Variants in MIA2 observed in about 807,000 individuals in gnomAD.
The protein encoded by MIA2 is melanoma inhibitory activity protein 2.
MIA2 carries 127 observed loss-of-function variants against 167.8 expected under a neutral mutation model. That is an observed-to-expected ratio of 0.76 (90% CI 0.66 to 0.88). MIA2 has a LOEUF of 0.88. MIA2 is among the 40% of genes least tolerant of loss of function. The pLI, the probability that MIA2 is intolerant of heterozygous loss-of-function variation, is 0.00. For missense variants in MIA2, 1,690 were observed against 1,624.7 expected (o/e 1.04, Z -0.69); for synonymous variants, 552 against 541.9 (o/e 1.02, Z -0.26).
intron 6 of MIA2, among the ~76,000 whole-genome samples, chr14:39,254,822 C>T (rs541851935): frequency 6.6e-6 from 1 of 152,300 alleles, no homozygotes; most frequent in African/African-American, 2.4e-5. Context: ...ATTTTTTAGC[C>T]TCTGGTCTAA....
At chr14:39,373,740 G>GA (rs2074995209) in intron 23 of MIA2, among the ~76,000 whole-genome samples, 1 of 152,170 alleles carries the variant, frequency 6.6e-6, no homozygotes, top group Admixed American at 6.5e-5. Context: ...AGAATCACTT[G>GA]AACCTGGGAG....
intron 2 of MIA2, among the ~76,000 whole-genome samples, chr14:39,239,754 C>A (rs1457571265): frequency 2.0e-5 from 3 of 152,114 alleles, no homozygotes; most frequent in African/African-American, 7.2e-5. Context: ...AAGTTTTAGG[C>A]ACATTTAGTT....
rs897928425 is a variant in MIA2 at position 39,284,769 on chromosome 14, T to A, written c.2130+5232T>A. Among the ~76,000 whole-genome samples the A allele has an allele frequency of 3.3e-5, 5 of 152,006 alleles. No homozygotes were observed. In the South Asian group the frequency reaches 6.2e-4, roughly 19 times the overall value. On this transcript the variant is annotated intron_variant, in intron 9 of 28. Transcript: ENST00000640607. ...TTTTTTCTTTTTTTTATTTTTTTTTTATTGATCATTCTTGGGTGTTTCTCG... is the reference window on the plus strand; with the variant it reads ...TTTTTTCTTTTTTTTATTTTTTTTTAATTGATCATTCTTGGGTGTTTCTCG...
chr14:39,267,591 A>C, intron 6 of MIA2: 1 of 1,581,464 alleles, frequency 6.3e-7, no homozygotes, highest in Non-Finnish European at 8.6e-7. Flanking sequence ...AGGAAGCAGT[A>C]GACCGGCTTT....
At chr14:39,275,729 C>T (rs974290423) in intron 6 of MIA2, among the ~76,000 whole-genome samples, 4 of 151,960 alleles carry the variant, frequency 2.6e-5, no homozygotes, top group African/African-American at 9.7e-5. Flanking sequence ...GCCTTTTTTC[C>T]CCCAATAGCA....
intron 4 of MIA2, among the ~76,000 whole-genome samples, chr14:39,250,971 A>C (rs1216802134): frequency 2.0e-5 from 3 of 152,092 alleles, no homozygotes; most frequent in Non-Finnish European, 4.4e-5. Flanking sequence ...TCATGCAAAA[A>C]TTTGTTTTTA....
chr14:39,267,225 T>C, intron 6 of MIA2: 1 of 1,361,720 alleles, frequency 7.3e-7, no homozygotes, highest in South Asian at 1.7e-5. Context: ...GGCTCGGACC[T>C]GCGCTGCCTC....
chr14:39,363,220 T>C (rs2074731679), intron 23 of MIA2, among the ~76,000 whole-genome samples: 1 of 152,356 alleles, frequency 6.6e-6, no homozygotes, highest in South Asian at 2.1e-4. Flanking sequence ...CTATTTGGTC[T>C]AAAGTACAGT....
chr14:39,235,333 T>A (rs1019409297), intron 1 of MIA2, among the ~76,000 whole-genome samples: 5 of 152,186 alleles, frequency 3.3e-5, no homozygotes, highest in African/African-American at 1.2e-4. Flanking sequence ...TGAGAATTAC[T>A]TCTAATTTGC....
chr14:39,325,178 C>T (rs1052768704), intron 24 of MIA2, among the ~76,000 whole-genome samples: 15 of 151,608 alleles, frequency 9.9e-5, no homozygotes, highest in Non-Finnish European at 2.2e-4. Context: ...AGCTGAGAAT[C>T]GCACCACTGC....
chr14:39,347,815 C>CTTTT, intron 27 of MIA2, 44 bp downstream of exon 27: 3 of 1,048,954 alleles, frequency 2.9e-6, no homozygotes, highest in Admixed American at 3.6e-5. Flanking sequence ...ATTCAGAAGC[C>CTTTT]TTCTTTTTTT....
chr14:39,268,960 A>G (rs2056568167), intron 6 of MIA2: 1 of 951,198 alleles, frequency 1.1e-6, no homozygotes, highest in South Asian at 4.9e-5. Flanking sequence ...AATAATCAAG[A>G]TTTAGTTTTT....
intron 9 of MIA2, among the ~76,000 whole-genome samples, chr14:39,284,577 A>G (rs538580206): frequency 6.6e-6 from 1 of 152,122 alleles, no homozygotes; most frequent in Non-Finnish European, 1.5e-5. Flanking sequence ...ATTTCTGTGA[A>G]GAATGCCATT....
At chr14:39,293,064 C>T (rs2060945140) in intron 10 of MIA2, among the ~76,000 whole-genome samples, 1 of 152,132 alleles carries the variant, frequency 6.6e-6, no homozygotes, top group Non-Finnish European at 1.5e-5. Context: ...GACTGCATGG[C>T]CTACGAGCCT....
chr14:39,364,006 A>G (rs2074759630), intron 23 of MIA2, among the ~76,000 whole-genome samples: 2 of 152,134 alleles, frequency 1.3e-5, no homozygotes, highest in Admixed American at 1.3e-4. Context: ...GGAAAGTTTA[A>G]TCTCTCTGTG....
chr14:39,368,549 C>G (rs2074869849), intron 23 of MIA2, among the ~76,000 whole-genome samples: 3 of 152,024 alleles, frequency 2.0e-5, no homozygotes, highest in Non-Finnish European at 4.4e-5. Context: ...CCGTGGCTGC[C>G]ACCTTGTGTT....
At chr14:39,252,631 C>T (rs570736122) in intron 4 of MIA2, 117 bp from the exon 5 acceptor site, 23 of 672,526 alleles carry the variant, frequency 3.4e-5, no homozygotes, top group African/African-American at 7.2e-5. Context: ...CTTTCTTTAA[C>T]GAAGTATCAT....
downstream of MIA2, among the ~76,000 whole-genome samples, chr14:39,352,683 T>G (rs889717708): frequency 6.6e-6 from 1 of 152,160 alleles, no homozygotes; most frequent in Non-Finnish European, 1.5e-5. Flanking sequence ...AAATCACGTC[T>G]AGTTTACTTA....
At chr14:39,293,733 G>T (rs1220969752) in intron 11 of MIA2, among the ~76,000 whole-genome samples, 2 of 152,128 alleles carry the variant, frequency 1.3e-5, no homozygotes, top group Non-Finnish European at 2.9e-5. Flanking sequence ...CTTGATGTAT[G>T]TGAGATTATT....
Sources: gnomAD v4.1 joint callset for allele counts (sites outside exome capture counted in the v4.1 genomes callset) on GRCh38, gnomAD v4.1.1 for gene constraint, MANE v1.5 for transcripts, NCBI Gene and HGNC (gene_info 2026-07-23, HGNC 2026-07-21) for gene names.